TCEA2: variants seen among roughly 807,000 people sequenced by gnomAD.
TCEA2 encodes the protein transcription elongation factor A protein 2.
In TCEA2, 21 loss-of-function variants were observed where a neutral mutation model predicts 40.8. The ratio of observed to expected loss-of-function variants is 0.51; its 90% CI spans 0.36 to 0.74. The LOEUF is 0.74. TCEA2 is among the 30% of genes least tolerant of loss of function. The pLI is 0.00. For missense variants in TCEA2, 326 were observed against 426.5 expected, an observed-to-expected ratio of 0.76 and a Z score of 2.08; for synonymous variants, 165 against 162.7, an observed-to-expected ratio of 1.01 and a Z score of -0.11.
At position 64,063,387 on chromosome 20, in the gene TCEA2, G is replaced by T; in HGVS notation, c.72+3G>T. On this transcript the variant is annotated splice_donor_region_variant and intron_variant, in intron 1 of 9. Transcript: ENST00000343484. Reference sequence around the variant, plus strand: ...AGATGGTGACCAAGAAGAGCGCGGTGAGGGGCGCGGGCCGCCAGGACCCCG... The same window carrying T: ...AGATGGTGACCAAGAAGAGCGCGGTTAGGGGCGCGGGCCGCCAGGACCCCG... 1.9e-6 allele frequency: 3 copies of T among 1,545,918 alleles called. No individual in the cohort carries two copies. Among genetic ancestry groups the T allele is most frequent in the Non-Finnish European group, 2.6e-6 (3 of 1,146,220 alleles).
At chr20:64,060,957 T>G (rs1198065604), upstream of TCEA2, among the ~76,000 whole-genome samples, 1 of 150,770 alleles carries the variant, frequency 6.6e-6, no homozygotes, top group Non-Finnish European at 1.5e-5. Flanking sequence ...GCCCGGCTAA[T>G]TTTTTTTTGT....
chr20:64,056,828 T>C (rs1302004777), upstream of TCEA2: 1 of 152,108 alleles, frequency 6.6e-6, no homozygotes, highest in African/African-American at 2.4e-5. Context: ...GACCAGGGGT[T>C]TCTCCCCAGA....
chr20:64,065,682 C>G (rs921238497), intron 1 of TCEA2: 1 of 152,352 alleles, frequency 6.6e-6, no homozygotes, highest in Non-Finnish European at 1.5e-5. Context: ...TGCCTGGCCT[C>G]GTCAGTGTTG....
intron 5 of TCEA2, 36 bp from the exon 6 acceptor site, chr20:64,069,729 C>A: frequency 6.3e-7 from 1 of 1,596,654 alleles, no homozygotes; most frequent in South Asian, 1.1e-5. Flanking sequence ...GGTGGAGAAA[C>A]CAGTGGGGGA....
chr20:64,061,361 C>T (rs1273856249), upstream of TCEA2, among the ~76,000 whole-genome samples: 9 of 151,928 alleles, frequency 5.9e-5, no homozygotes, highest in African/African-American at 1.9e-4. Context: ...CTGCAAGCTC[C>T]GCCTCCTGGG....
intron 3 of TCEA2, 141 bp from the exon 4 acceptor site, chr20:64,067,906 C>T: frequency 1.6e-6 from 1 of 623,152 alleles, no homozygotes. Context: ...CCCTGGCTCC[C>T]CTGGCTGGGT....
chr20:64,057,443 T>TGCATGTGTGCCTGC (rs2059487380), exon 1 of TCEA2: 2 of 152,358 alleles, frequency 1.3e-5, no homozygotes, highest in Middle Eastern at 6.8e-3. Flanking sequence ...TGTGTGCGTG[T>TGCATGTGTGCCTGC]GCATGTGTGC....
At chr20:64,061,275 T>G (rs6011271), upstream of TCEA2, among the ~76,000 whole-genome samples, 11,950 of 149,506 alleles carry the variant, frequency 0.08, 540 homozygotes, top group South Asian at 0.12. Context: ...TAATTTTTTT[T>G]TTGTTGTTGT....
At chr20:64,056,337 CA>C (rs1435765545), upstream of TCEA2, among the ~76,000 whole-genome samples, 1 of 152,188 alleles carries the variant, frequency 6.6e-6, no homozygotes, top group Admixed American at 6.5e-5. Flanking sequence ...GCGCATGGGA[CA>C]GGGGAGCACT....
intron 8 of TCEA2, 160 bp from the exon 9 acceptor site, chr20:64,071,710 C>T: frequency 1.3e-6 from 1 of 740,854 alleles, no homozygotes. Context: ...TCTCCCTCCC[C>T]CGGAGGCTCA....
At chr20:64,064,905 G>A (rs1301197763) in intron 1 of TCEA2, among the ~76,000 whole-genome samples, 1 of 136,396 alleles carries the variant, frequency 7.3e-6, no homozygotes, top group Non-Finnish European at 1.6e-5. Flanking sequence ...AAACACAAAC[G>A]ATAAAAGCTG....
intron 5 of TCEA2, 33 bp from the exon 6 acceptor site, chr20:64,069,732 G>C (rs2059782748): frequency 6.3e-7 from 1 of 1,598,984 alleles, no homozygotes. Flanking sequence ...GGAGAAACCA[G>C]TGGGGGAAGC....
At position 64,068,055 on chromosome 20, in the gene TCEA2, G is replaced by C; in HGVS notation, c.250G>C (p.Asp84His). The C allele has an allele frequency of 6.2e-7, 1 of 1,604,682 alleles. No individual in the cohort carries two copies. Among genetic ancestry groups the C allele is most frequent in the Middle Eastern group, 1.8e-4 (1 of 5,488 alleles). ...CCCGATCTTTCCTGCAGATGCTTCCGATGCCAAAGCCAGGGAGCGGGGGAG... is the reference window on the plus strand; with the variant it reads ...CCCGATCTTTCCTGCAGATGCTTCCCATGCCAAAGCCAGGGAGCGGGGGAG... Reference protein sequence around the residue: ...KSWKKLLDASDAKARERGRGM... With the variant: ...KSWKKLLDASHAKARERGRGM... The change falls in exon 4 of 10, where the codon GAT (aspartate) becomes CAT (histidine). Residue 84 changes from aspartate to histidine, a missense_variant. Asp to His is a moderately conservative substitution (Grantham distance 81, BLOSUM62 -1). Transcript: ENST00000343484.
In TCEA2 at chr20:64,068,207, G is replaced by A. The variant is rs113440938; in HGVS notation, c.329+73G>A. On this transcript the variant is annotated intron_variant, in intron 4 of 9. Transcript: ENST00000343484. Reference sequence around the variant, plus strand: ...TTTCCTTGCCAGAGAAAGGGTGCCAGTCTCCATGTGCCTAGGCACTGCTTT... The same window carrying A: ...TTTCCTTGCCAGAGAAAGGGTGCCAATCTCCATGTGCCTAGGCACTGCTTT... 7.1e-3 allele frequency: 9,430 copies of A among 1,321,058 alleles called. 460 individuals carry two copies. The African/African-American group carries it at 0.12, about 16-fold the overall frequency. 81.8% of individuals were successfully genotyped at this position (1,321,058 alleles called of 1,614,324 possible).
Position 64,063,404 on chromosome 20 carries a change from A to G in TCEA2, c.72+20A>G. The G allele has an allele frequency of 6.5e-7, 1 of 1,542,390 alleles. No individual in the cohort carries two copies. Among genetic ancestry groups the G allele is most frequent in the Non-Finnish European group, 8.7e-7 (1 of 1,145,416 alleles). On this transcript the variant is annotated intron_variant, in intron 1 of 9. Coordinates refer to ENST00000343484, the MANE Select transcript of TCEA2 (RefSeq NM_003195.6). ...AGCGCGGTGAGGGGCGCGGGCCGCC[A>G]GGACCCCGGGAACCCCGCCCCGCCG...
upstream of TCEA2, among the ~76,000 whole-genome samples, chr20:64,058,529 C>A (rs1019413568): frequency 6.6e-6 from 1 of 152,214 alleles, no homozygotes; most frequent in Non-Finnish European, 1.5e-5. This position sits in a 1 kb window ranked among gnomAD's most constrained non-coding sequence, Gnocchi z 6.7. Context: ...GGAAACAGGG[C>A]CCAGAGTGGG....
intron 1 of TCEA2, 110 bp downstream of exon 1, chr20:64,063,494 C>G: frequency 7.9e-7 from 1 of 1,262,892 alleles, no homozygotes; most frequent in Non-Finnish European, 1.1e-6. Flanking sequence ...AGGACGAGAC[C>G]CCTCCCCGGC....
At chr20:64,069,130 C>T (rs934505877) in intron 4 of TCEA2, among the ~76,000 whole-genome samples, 1 of 152,226 alleles carries the variant, frequency 6.6e-6, no homozygotes, top group African/African-American at 2.4e-5. Context: ...ACACCCTGAC[C>T]CACTGGGGAC....
rs774432987 is a variant in TCEA2 at position 64,069,354 on chromosome 20, T to G, written c.330-7T>G. 3.8e-6 allele frequency: 6 copies of G among 1,572,382 alleles called. No individual in the cohort carries two copies. In the East Asian group the frequency reaches 1.4e-4, roughly 37 times the overall value. Reference sequence around the variant, plus strand: ...GTCTGAACCCAGCTGGCCCTGGCTCTCTGCAGCCGCAAGAGGCCGGAGCTG... The same window carrying G: ...GTCTGAACCCAGCTGGCCCTGGCTCGCTGCAGCCGCAAGAGGCCGGAGCTG... On this transcript the variant is annotated splice_polypyrimidine_tract_variant and splice_region_variant and intron_variant, in intron 4 of 9. Coordinates refer to ENST00000343484, the MANE Select transcript of TCEA2 (RefSeq NM_003195.6).
Sources: gnomAD v4.1 joint callset for allele counts (sites outside exome capture counted in the v4.1 genomes callset) on GRCh38, gnomAD v4.1.1 for gene constraint, Gnocchi (gnomAD v3.1) non-coding constraint, MANE v1.5 for transcripts, NCBI Gene and HGNC (gene_info 2026-07-23, HGNC 2026-07-21) for gene names.